The following ZFYVE27 variants were observed in gnomAD, a reference collection of about 807,000 sequenced individuals.
ZFYVE27 encodes protrudin.
In ZFYVE27, 36 loss-of-function variants were observed where a neutral mutation model predicts 52.8. The ratio of observed to expected loss-of-function variants is 0.68; its 90% confidence interval spans 0.52 to 0.90. The LOEUF is 0.90. Ranked by LOEUF, ZFYVE27 falls within the 40% of genes least tolerant of loss-of-function variation. The pLI, the probability that ZFYVE27 is intolerant of heterozygous loss-of-function variation, is 0.00. For missense variants in ZFYVE27, 450 were observed against 527.2 expected, an observed-to-expected ratio of 0.85 and a Z score of 1.43; for synonymous variants, 223 against 215.6, an observed-to-expected ratio of 1.03 and a Z score of -0.30.
chr10:97,749,326 T>G (rs910773944), intron 5 of ZFYVE27, 148 bp from the exon 6 acceptor site: 2 of 712,984 alleles, frequency 2.8e-6, no homozygotes, highest in Non-Finnish European at 5.1e-6. Context: ...TTCATCGCCA[T>G]TTTCCGCTGG....
intron 10 of ZFYVE27, among the ~76,000 whole-genome samples, chr10:97,753,553 A>G (rs2047549580): frequency 6.6e-6 from 1 of 151,986 alleles, no homozygotes; most frequent in Non-Finnish European, 1.5e-5. Context: ...CCTGCTGCAA[A>G]TCCCAGCTCA....
chr10:97,757,630 T>C lies in ZFYVE27; in HGVS notation c.1090-12T>C, dbSNP rs753158402. The stretch of plus-strand genomic sequence containing the variant: ...GGTGAGGGACACATCTGACCTTGGC[T>C]CTTGTCTGCAGCGGAGCTGCAGTAA... On this transcript the variant is annotated splice_polypyrimidine_tract_variant and intron_variant, in intron 11 of 12. Transcript: ENST00000684270. The C allele has an allele frequency of 4.3e-6, 7 of 1,613,918 alleles. No individual in the cohort carries two copies. The Admixed American group carries it at 8.3e-5, about 19-fold the overall frequency.
chr10:97,750,467 G>T lies in ZFYVE27; in HGVS notation c.801G>T (p.Thr267=). The change falls in exon 7 of 13, where the codon ACG becomes ACT. Residue 267 remains threonine (T), a synonymous_variant. Coordinates refer to ENST00000684270, the MANE Select transcript of ZFYVE27 (RefSeq NM_001385875.1). The part of the protein sequence containing the change: ...LMDSTPALTP[T]EDLTPGSVEE... ...ACAGCACGCCTGCCCTCACACCCAC[G>T]GAGGTAAGTGCCACTGTCAGGGCAG... 1 of 1,614,050 alleles carries T rather than the reference G, an allele frequency of 6.2e-7. No homozygotes were observed. Among genetic ancestry groups the T allele is most frequent in the Non-Finnish European group, 8.5e-7 (1 of 1,180,042 alleles).
chr10:97,754,888 A>G (rs7922907), intron 10 of ZFYVE27: 915,883 of 1,232,780 alleles, frequency 0.74, 346,120 homozygotes, highest in Non-Finnish European at 0.78. Flanking sequence ...TTACAGATGA[A>G]TAACCTGAGG....
chr10:97,739,243 A>T (rs2042944532), intron 2 of ZFYVE27, among the ~76,000 whole-genome samples: 1 of 151,780 alleles, frequency 6.6e-6, no homozygotes, highest in South Asian at 2.1e-4. Context: ...TTAAAAAAAA[A>T]AAAAAATTGT....
intron 6 of ZFYVE27, among the ~76,000 whole-genome samples, chr10:97,749,843 T>G (rs1186523025): frequency 6.6e-6 from 1 of 152,232 alleles, no homozygotes; most frequent in East Asian, 1.9e-4. Context: ...TCACTGCTTA[T>G]ATGATATGAT....
In ZFYVE27 at chr10:97,751,349, G is replaced by A. The variant is rs1260495063; in HGVS notation, c.805-42G>A. 3.7e-6 allele frequency: 6 copies of A among 1,607,396 alleles called. No individual in the cohort carries two copies. The East Asian group carries it at 6.7e-5, about 18-fold the overall frequency. On this transcript the variant is annotated intron_variant, in intron 7 of 12. Transcript: ENST00000684270. ...GTGGTCCTCTGCCTTAGGGAGCAGC[G>A]CTGCCATCCTTCTCCTTCTGTCATA...
At chr10:97,754,247 G>A (rs2047749840) in intron 10 of ZFYVE27, among the ~76,000 whole-genome samples, 1 of 152,052 alleles carries the variant, frequency 6.6e-6, no homozygotes, top group Non-Finnish European at 1.5e-5. Context: ...TGTTTTCTCA[G>A]GATTAGATGT....
chr10:97,760,631 A>G lies in ZFYVE27; in HGVS notation c.*1331A>G. 6.6e-6 allele frequency: 1 copy of G among 152,376 alleles called. No homozygotes were observed. The highest frequency in any genetic ancestry group is 1.5e-5 in the Non-Finnish European group (1 of 68,156). 9.4% of individuals were successfully genotyped at this position (152,376 alleles called of 1,614,324 possible). ...ACACTCGAGGAGCAGGGGTCCAGAGAGGCAGGCTGGGGAGGCAAGGGACCC... is the reference window on the plus strand; with the variant it reads ...ACACTCGAGGAGCAGGGGTCCAGAGGGGCAGGCTGGGGAGGCAAGGGACCC... On this transcript the variant is annotated 3_prime_UTR_variant, in exon 13 of 13. Coordinates refer to ENST00000684270, the MANE Select transcript of ZFYVE27 (RefSeq NM_001385875.1).
Position 97,749,594 on chromosome 10 carries a change from C to T in ZFYVE27, c.664+8C>T, listed in dbSNP as rs1410808218. The T allele has an allele frequency of 1.9e-6, 3 of 1,611,018 alleles. 1 individual carries two copies. In the South Asian group the frequency reaches 3.3e-5, roughly 18 times the overall value. ...ATGTGGAGTTCTTCCGAGGTAAGCC[C>T]TGAAGGGCCTGAAAGATGGGGCCCA... On this transcript the variant is annotated splice_region_variant and intron_variant, in intron 6 of 12. Transcript: ENST00000684270.
chr10:97,758,696 C>T (rs887247542), intron 12 of ZFYVE27, among the ~76,000 whole-genome samples: 19 of 152,120 alleles, frequency 1.2e-4, no homozygotes, highest in African/African-American at 3.6e-4. Context: ...ATACAGAGGA[C>T]GAAGGAAGAG....
chr10:97,754,496 G>A (rs184627454), intron 10 of ZFYVE27, among the ~76,000 whole-genome samples: 8 of 151,838 alleles, frequency 5.3e-5, no homozygotes, highest in African/African-American at 1.9e-4. Context: ...AATTTTTTTT[G>A]TAGAGACAGG....
At chr10:97,746,680 CT>C (rs1294309464) in intron 4 of ZFYVE27, among the ~76,000 whole-genome samples, 8 of 150,402 alleles carry the variant, frequency 5.3e-5, no homozygotes, top group Admixed American at 4.6e-4. Flanking sequence ...AATTTTTTTC[CT>C]TTTTTCTTTT....
intron 10 of ZFYVE27, among the ~76,000 whole-genome samples, chr10:97,754,152 A>G (rs2047724714): frequency 6.6e-6 from 1 of 152,082 alleles, no homozygotes; most frequent in African/African-American, 2.4e-5. Context: ...TGTGCCCTGG[A>G]AGAAGACAAT....
In ZFYVE27 at chr10:97,738,624, C is replaced by A. The variant is rs570524571; in HGVS notation, c.147C>A (p.Ile49=). Residue 49 remains isoleucine (I), a synonymous_variant, in exon 2 of 13, where the codon ATC becomes ATA. Transcript: ENST00000684270. ...NLVLSYKRLE[I]YLEPLKDAGD... is the part of the protein sequence containing the mutation. ...TTCTCTCCTACAAGAGGCTGGAGAT[C>A]TACCTGGAACCCTTGAAGGATGCAG... 15 of 1,614,238 alleles carry A rather than the reference C, an allele frequency of 9.3e-6. No individual in the cohort carries two copies. In the African/African-American group the frequency reaches 1.7e-4, roughly 19 times the overall value.
chr10:97,750,735 CTT>C (rs796290891), intron 7 of ZFYVE27, among the ~76,000 whole-genome samples: 1 of 144,562 alleles, frequency 6.9e-6, no homozygotes, highest in African/African-American at 2.5e-5. Context: ...CTTTCCTTTT[CTT>C]TTTTTTTTTT....
intron 12 of ZFYVE27, chr10:97,757,978 A>G: frequency 2.1e-6 from 1 of 472,482 alleles, no homozygotes; most frequent in Non-Finnish European, 3.8e-6. Flanking sequence ...AAGTTGAAAA[A>G]CAAGAGCCCT....
intron 10 of ZFYVE27, among the ~76,000 whole-genome samples, chr10:97,756,019 C>T (rs943615878): frequency 6.6e-6 from 1 of 152,164 alleles, no homozygotes; most frequent in African/African-American, 2.4e-5. Flanking sequence ...ACAGCTGTCT[C>T]CCCAGCCCAC....
chr10:97,741,858 C>T (rs908995921), intron 2 of ZFYVE27, among the ~76,000 whole-genome samples: 14 of 152,182 alleles, frequency 9.2e-5, no homozygotes, highest in Admixed American at 3.9e-4. Flanking sequence ...AGCCCCAGCA[C>T]GGTAGCTTAC....
Sources: allele counts gnomAD v4.1 joint callset (sites outside exome capture counted in the v4.1 genomes callset), GRCh38; gene constraint gnomAD v4.1.1; transcripts MANE v1.5; gene names NCBI Gene and HGNC (gene_info 2026-07-23, HGNC 2026-07-21).